The following INPP5B variants were observed in gnomAD, a reference collection of about 807,000 sequenced individuals.
INPP5B encodes inositol polyphosphate-5-phosphatase B, also known as type II inositol 1,4,5-trisphosphate 5-phosphatase.
Under a neutral mutation model 118.5 loss-of-function variants are expected in INPP5B, and 90 were observed. The ratio of observed to expected loss-of-function variants is 0.76; its 90% CI spans 0.64 to 0.90. The LOEUF (loss-of-function observed/expected upper bound fraction) is 0.90. INPP5B is among the 40% of genes least tolerant of loss of function. The pLI is 0.00. For missense variants in INPP5B, 984 were observed against 1,125.6 expected, an observed-to-expected ratio of 0.87 and a Z score of 1.80; for synonymous variants, 385 against 418.9, an observed-to-expected ratio of 0.92 and a Z score of 0.99.
intron 19 of INPP5B, 46 bp from the exon 20 acceptor site, chr1:37,868,660 C>T: frequency 1.6e-6 from 2 of 1,285,084 alleles, no homozygotes. Context: ...CAGGCTGGCT[C>T]CAGGAAAATG....
At chr1:37,895,572 G>A (rs954878387) in intron 7 of INPP5B, among the ~76,000 whole-genome samples, 1 of 151,048 alleles carries the variant, frequency 6.6e-6, no homozygotes, top group Admixed American at 6.6e-5. Flanking sequence ...AGCCGAAGCT[G>A]GACGGTACTG....
Position 37,862,335 on chromosome 1 carries a change from A to G in INPP5B, c.2722T>C (p.Phe908Leu), listed in dbSNP as rs370097490. Reference protein sequence around the residue: ...KKKAQEFIHQFLCNPL With the variant: ...KKKAQEFIHQLLCNPL ...GAGGCTCAGAGTGGGTTGCAGAGGA[A>G]CTGGTGAATAAATTCTTGAGCCTTC... The change falls in exon 24 of 24, where the codon TTC (phenylalanine) becomes CTC (leucine). Residue 908 changes from phenylalanine to leucine, a missense_variant. Coordinates refer to ENST00000373024, the MANE Select transcript of INPP5B (RefSeq NM_005540.3). 1 of 1,613,058 alleles carries G rather than the reference A, an allele frequency of 6.2e-7. No homozygotes were observed. The highest frequency in any genetic ancestry group is 8.5e-7 in the Non-Finnish European group (1 of 1,179,122).
chr1:37,881,865 T>G (rs1265275294), intron 14 of INPP5B, among the ~76,000 whole-genome samples: 1 of 152,096 alleles, frequency 6.6e-6, no homozygotes, highest in Non-Finnish European at 1.5e-5. Flanking sequence ...TTTGGGAGGC[T>G]GAGGTGGATG....
chr1:37,888,372 C>T, intron 9 of INPP5B, 28 bp from the exon 10 acceptor site: 6 of 1,370,812 alleles, frequency 4.4e-6, no homozygotes, highest in Non-Finnish European at 6.0e-6. Flanking sequence ...TAATTAGTGA[C>T]TCCGAATCAC....
chr1:37,909,199 G>A (rs1644601322), intron 7 of INPP5B, among the ~76,000 whole-genome samples: 1 of 152,090 alleles, frequency 6.6e-6, no homozygotes, highest in Non-Finnish European at 1.5e-5. Flanking sequence ...TGTTCCCAAT[G>A]AGATTCATCC....
At chr1:37,888,179 C>T in intron 10 of INPP5B, 64 bp downstream of exon 10, 1 of 1,003,848 alleles carries the variant, frequency 1.0e-6, no homozygotes, top group Non-Finnish European at 1.4e-6. Flanking sequence ...TTGTGAAGAC[C>T]CATCCTTCAA....
chr1:37,931,976 G>C lies in INPP5B; in HGVS notation c.469C>G (p.Pro157Ala). 6.2e-7 allele frequency: 1 copy of C among 1,613,946 alleles called. No homozygotes were observed. Among genetic ancestry groups the C allele is most frequent in the Non-Finnish European group, 8.5e-7 (1 of 1,179,992 alleles). ...YRCAELELEM[P>A]TPRGCNSALV... ...GCCGAGTTACAACCGCGCGGCGTTGGCATCTCCAGCTCCAGCTCTGCGCAC... is the reference window on the plus strand; with the variant it reads ...GCCGAGTTACAACCGCGCGGCGTTGCCATCTCCAGCTCCAGCTCTGCGCAC... Residue 157 changes from proline to alanine, a missense_variant, in exon 7 of 24, where the codon CCA (proline) becomes GCA (alanine). By Grantham distance (27) the Pro-to-Ala change is conservative. Around this residue, in one of 2 missense-constraint regions of INPP5B, gnomAD observed 350 missense variants for 334.6 expected, o/e 1.05. Transcript: ENST00000373024.
intron 7 of INPP5B, among the ~76,000 whole-genome samples, chr1:37,908,111 G>A (rs757810389): frequency 1.3e-5 from 2 of 151,838 alleles, no homozygotes; most frequent in Admixed American, 6.6e-5. Flanking sequence ...CTCCTTTCTC[G>A]GACTCAGCCC....
intron 19 of INPP5B, among the ~76,000 whole-genome samples, chr1:37,872,617 TGA>T (rs1415456467): frequency 2.0e-5 from 3 of 150,212 alleles, no homozygotes; most frequent in African/African-American, 7.4e-5. Context: ...CCAAGACATG[TGA>T]GAGAGGCCAT....
intron 5 of INPP5B, among the ~76,000 whole-genome samples, chr1:37,942,777 C>A (rs934373777): frequency 6.6e-6 from 1 of 151,848 alleles, no homozygotes; most frequent in Non-Finnish European, 1.5e-5. Flanking sequence ...GGCATGGTGG[C>A]GGGTGCCTGT....
At chr1:37,910,141 C>A (rs910633454) in intron 7 of INPP5B, among the ~76,000 whole-genome samples, 20 of 152,198 alleles carry the variant, frequency 1.3e-4, no homozygotes, top group African/African-American at 4.8e-4. Flanking sequence ...ACTGCCCGAT[C>A]GCCTCGGAAG....
Position 37,876,779 on chromosome 1 carries a change from C to T in INPP5B, c.1678-1063G>A, listed in dbSNP as rs954317255. ...CCTGTAGTCCCAGCTACTCGGGAGG[C>T]TGAGGCAGGAGAATGGCGTGAACCT... On this transcript the variant is annotated intron_variant, in intron 16 of 23. Transcript: ENST00000373024. Among the ~76,000 whole-genome samples the T allele has an allele frequency of 2.7e-5, 4 of 150,044 alleles. No individual in the cohort carries two copies. In the East Asian group the frequency reaches 7.9e-4, roughly 30 times the overall value.
chr1:37,923,240 T>G (rs1645116134), intron 7 of INPP5B, among the ~76,000 whole-genome samples: 1 of 152,172 alleles, frequency 6.6e-6, no homozygotes. Context: ...AAGCAGCAAG[T>G]TCAAGCTTAC....
At chr1:37,901,991 A>AT (rs1215670191) in intron 7 of INPP5B, among the ~76,000 whole-genome samples, 6 of 96,316 alleles carry the variant, frequency 6.2e-5, no homozygotes, top group Non-Finnish European at 1.1e-4. Context: ...TCCTCTATTA[A>AT]ATTTTTTTTT....
Position 37,860,757 on chromosome 1 carries a change from T to C in INPP5B, c.*1558A>G, listed in dbSNP as rs1641647806. Reference sequence around the variant, plus strand: ...ACACATGGAGACAGGATGCATCATATACAGTTTGGAAGACTTGCTGGCCCA... The same window carrying C: ...ACACATGGAGACAGGATGCATCATACACAGTTTGGAAGACTTGCTGGCCCA... On this transcript the variant is annotated 3_prime_UTR_variant, in exon 24 of 24. Transcript: ENST00000373024. 6.6e-6 allele frequency: 1 copy of C among 152,256 alleles called. No individual in the cohort carries two copies. Among genetic ancestry groups the C allele is most frequent in the African/African-American group, 2.4e-5 (1 of 41,468 alleles). The allele number at this position is 152,256 out of a possible 1,614,324, so 9.4% of individuals were successfully genotyped here.
intron 6 of INPP5B, among the ~76,000 whole-genome samples, chr1:37,934,651 G>A (rs1645615367): frequency 6.6e-6 from 1 of 152,146 alleles, no homozygotes; most frequent in South Asian, 2.1e-4. Context: ...GTCCCTCCCT[G>A]AGGAAATCCC....
chr1:37,887,223 T>G, intron 11 of INPP5B, 128 bp downstream of exon 11: 2 of 760,418 alleles, frequency 2.6e-6, no homozygotes, highest in Non-Finnish European at 4.5e-6. Flanking sequence ...TTCTGGAAGA[T>G]CTGGAAATGA....
At chr1:37,889,514 T>C (rs370897818) in intron 9 of INPP5B, 43 bp downstream of exon 9, 31 of 1,519,968 alleles carry the variant, frequency 2.0e-5, no homozygotes, top group Non-Finnish European at 2.6e-5. Context: ...GAGTGCCAAA[T>C]GATCATTCTG....
At chr1:37,935,439 C>G (rs925809658) in intron 6 of INPP5B, among the ~76,000 whole-genome samples, 1 of 151,300 alleles carries the variant, frequency 6.6e-6, no homozygotes. Context: ...TGATCCGCCC[C>G]GCCTTGGCCT....
Sources: allele counts gnomAD v4.1 joint callset (sites outside exome capture counted in the v4.1 genomes callset), GRCh38; gene constraint gnomAD v4.1.1; regional missense constraint gnomAD v4.1.1; transcripts MANE v1.5; gene names NCBI Gene and HGNC (gene_info 2026-07-23, HGNC 2026-07-21).